Variants in USP36 observed in about 807,000 individuals in gnomAD.
USP36 encodes ubiquitin carboxyl-terminal hydrolase 36.
In USP36, 59 loss-of-function variants were observed where a neutral mutation model predicts 111.5. The observed-to-expected ratio is 0.53, with a 90% CI of 0.43 to 0.66. The LOEUF (loss-of-function observed/expected upper bound fraction) is 0.66, where lower values mean the gene tolerates loss of function less well. USP36 is among the 30% of genes least tolerant of loss of function. The pLI, the probability that USP36 is intolerant of heterozygous loss-of-function variation, is 0.00. For missense variants in USP36, 1,488 were observed against 1,468.0 expected, an observed-to-expected ratio of 1.01 and a Z score of -0.22; for synonymous variants, 628 against 581.0, an observed-to-expected ratio of 1.08 and a Z score of -1.16.
In USP36 at chr17:78,836,998, C is replaced by T. The variant is rs184711974; in HGVS notation, c.-9-626G>A. Among the ~76,000 whole-genome samples, 178 of 152,148 alleles carry T rather than the reference C, an allele frequency of 1.2e-3. 1 individual carries two copies. The highest frequency in any genetic ancestry group is 4.2e-3 in the African/African-American group (173 of 41,488). On this transcript the variant is annotated intron_variant, in intron 2 of 20. Transcript: ENST00000449938. ...GGTGCTATAAGTGTAAAATGCACAC[C>T]AGATTTTGAAGAGAAATACTCACTA...
Position 78,804,944 on chromosome 17 carries a change from A to C in USP36, c.2217-966T>G, listed in dbSNP as rs74763131. Among the ~76,000 whole-genome samples, 904 of 152,280 alleles carry C rather than the reference A, an allele frequency of 5.9e-3. 42 individuals are homozygous for C. The East Asian group carries it at 0.12, about 19-fold the overall frequency. On this transcript the variant is annotated intron_variant, in intron 15 of 20. Coordinates refer to ENST00000449938, the MANE Select transcript of USP36 (RefSeq NM_001385174.1). Reference sequence around the variant, plus strand: ...AGCCTCATAAGGAAAGCAAGTGTTGAGCTGGCCTAATGACACCTCCACATT... The same window carrying C: ...AGCCTCATAAGGAAAGCAAGTGTTGCGCTGGCCTAATGACACCTCCACATT...
chr17:78,812,817 C>A, intron 13 of USP36, 43 bp downstream of exon 13: 1 of 1,608,246 alleles, frequency 6.2e-7, no homozygotes, highest in Admixed American at 1.7e-5. Flanking sequence ...CTGTGAGGAG[C>A]ACCAAGACCA....
intron 17 of USP36, 36 bp from the exon 18 acceptor site, chr17:78,799,804 T>A: frequency 1.3e-6 from 2 of 1,530,262 alleles, no homozygotes; most frequent in South Asian, 1.2e-5. Flanking sequence ...TTTACAGACG[T>A]TTAAAATAAC....
chr17:78,789,549 G>C (rs890751771), intron 3 of USP36, among the ~76,000 whole-genome samples: 1 of 152,222 alleles, frequency 6.6e-6, no homozygotes, highest in African/African-American at 2.4e-5. Context: ...CCCCGCAAGA[G>C]GCTGCAAAGC....
At chr17:78,814,590 C>A in intron 10 of USP36, 38 bp from the exon 11 acceptor site, 1 of 1,600,906 alleles carries the variant, frequency 6.2e-7, no homozygotes. Flanking sequence ...ATAAAATTCA[C>A]TTTGAGAGTA....
At position 78,829,075 on chromosome 17, in the gene USP36, C is replaced by A. The variant is rs1288661732; in HGVS notation, c.476-68G>T. On this transcript the variant is annotated intron_variant, in intron 4 of 20. Coordinates refer to ENST00000449938, the MANE Select transcript of USP36 (RefSeq NM_001385174.1). Reference sequence around the variant, plus strand: ...CAAAGAACTCACGGTGAGGCCCCCACCCCAAACGTTAACACAGCCAGAAAC... The same window carrying A: ...CAAAGAACTCACGGTGAGGCCCCCAACCCAAACGTTAACACAGCCAGAAAC... The A allele has an allele frequency of 6.5e-6, 9 of 1,374,712 alleles. No individual in the cohort carries two copies. In the East Asian group the frequency reaches 9.5e-5, roughly 14 times the overall value. The allele number at this position is 1,374,712 out of a possible 1,614,324, so 85.2% of individuals were successfully genotyped here. A position where few individuals can be genotyped will look rare whatever the true frequency, so the allele number is the denominator to read the frequency against.
At chr17:78,809,173 T>C (rs1046244864) in intron 13 of USP36, among the ~76,000 whole-genome samples, 3 of 152,242 alleles carry the variant, frequency 2.0e-5, no homozygotes, top group Non-Finnish European at 2.9e-5. Flanking sequence ...CAAGGTTTTA[T>C]TGCTTCATTT....
chr17:78,827,689 G>C (rs762018389), intron 5 of USP36, among the ~76,000 whole-genome samples: 1 of 151,966 alleles, frequency 6.6e-6, no homozygotes, highest in Admixed American at 6.5e-5. Context: ...GATCACTTGA[G>C]CCCAGGAGTT....
chr17:78,810,088 C>T (rs1429630395), intron 13 of USP36, among the ~76,000 whole-genome samples: 1 of 152,118 alleles, frequency 6.6e-6, no homozygotes, highest in Non-Finnish European at 1.5e-5. Context: ...TCAAATGGTC[C>T]ACCCACCTCA....
At chr17:78,806,874 A>G in intron 14 of USP36, 85 bp downstream of exon 14, 1 of 1,527,902 alleles carries the variant, frequency 6.5e-7, no homozygotes, top group South Asian at 1.3e-5. Flanking sequence ...CCCCCGGACA[A>G]TGTTCTCACT....
At position 78,803,425 on chromosome 17, in the gene USP36, C is replaced by G; in HGVS notation, c.2770G>C (p.Gly924Arg). Residue 924 changes from glycine (G) to arginine (R), a missense_variant, in exon 16 of 21, where the codon GGT becomes CGT. Gly to Arg is a moderately radical substitution (Grantham distance 125, BLOSUM62 -2). Around this residue, in one of 3 missense-constraint regions of USP36, gnomAD observed 1,073 missense variants for 994.1 expected, o/e 1.08. Coordinates refer to ENST00000449938, the MANE Select transcript of USP36 (RefSeq NM_001385174.1). This position sits in a 1 kb window ranked among gnomAD's most constrained non-coding sequence, Gnocchi z 4.6. Reference protein sequence around the residue: ...KRRRKGAEGLGEEGGLHQDPL... With the variant: ...KRRRKGAEGLREEGGLHQDPL... ...TCCTGGTGCAGGCCGCCTTCTTCAC[C>G]AAGACCTTCTGCTCCTTTCCTCCTC... is the stretch of plus-strand genomic sequence containing the variant. 1 of 1,614,110 alleles carries G rather than the reference C, an allele frequency of 6.2e-7. No homozygotes were observed. Among genetic ancestry groups the G allele is most frequent in the Non-Finnish European group, 8.5e-7 (1 of 1,180,022 alleles).
intron 6 of USP36, 32 bp from the exon 7 acceptor site, chr17:78,822,036 G>A (rs1314024320): frequency 1.2e-6 from 2 of 1,613,450 alleles, no homozygotes; most frequent in East Asian, 2.2e-5. Context: ...TTAAGGGAAG[G>A]GCTCAGCAAG....
At chr17:78,807,974 G>A (rs2093953771) in intron 13 of USP36, among the ~76,000 whole-genome samples, 2 of 152,146 alleles carry the variant, frequency 1.3e-5, no homozygotes, top group South Asian at 4.1e-4. Context: ...GAAGTGTTGG[G>A]ATTACAGGTG....
chr17:78,795,055 C>T (rs2093611577), downstream of USP36, among the ~76,000 whole-genome samples: 3 of 151,424 alleles, frequency 2.0e-5, no homozygotes, highest in South Asian at 4.2e-4. The surrounding 1 kb of genome is among the most constrained non-coding windows in gnomAD (Gnocchi z 4.5). Flanking sequence ...TCGCCCATGT[C>T]GCCACTGCAC....
In USP36 at chr17:78,840,773, C is replaced by G. The variant is rs2069225169; in HGVS notation, c.-211G>C. On this transcript the variant is annotated 5_prime_UTR_variant, in exon 1 of 21. Transcript: ENST00000449938. ...GCGGGCGCGCCACAAGCCTACGCAG[C>G]CCTGGCGACTCCTTCGGCCCGCGGC... The G allele has an allele frequency of 6.6e-6, 1 of 152,428 alleles. No homozygotes were observed. The highest frequency in any genetic ancestry group is 2.4e-5 in the African/African-American group (1 of 41,438). 9.4% of individuals were successfully genotyped at this position (152,428 alleles called of 1,614,324 possible). A position where few individuals can be genotyped will look rare whatever the true frequency, so the allele number is the denominator to read the frequency against.
downstream of USP36, among the ~76,000 whole-genome samples, chr17:78,794,400 C>T (rs906213042): frequency 2.0e-5 from 3 of 152,200 alleles, no homozygotes; most frequent in Non-Finnish European, 2.9e-5. Context: ...TGCTGGCCAG[C>T]TCCCACTGCC....
chr17:78,828,776 G>A lies in USP36; in HGVS notation c.586+121C>T, dbSNP rs551265125. On this transcript the variant is annotated intron_variant, in intron 5 of 20. Coordinates refer to ENST00000449938, the MANE Select transcript of USP36 (RefSeq NM_001385174.1). The stretch of plus-strand genomic sequence containing the variant: ...TCCCAACACTTTGGCAGGCCAAAAC[G>A]GAAGGACTGCTTAAGGCCAGGAATT... 4.7e-5 allele frequency: 45 copies of A among 962,716 alleles called. No individual in the cohort carries two copies. In the Admixed American group the frequency reaches 5.2e-4, roughly 11 times the overall value. The allele number at this position is 962,716 out of a possible 1,614,324, so 59.6% of individuals were successfully genotyped here. A position where few individuals can be genotyped will look rare whatever the true frequency, so the allele number is the denominator to read the frequency against.
intron 13 of USP36, among the ~76,000 whole-genome samples, chr17:78,809,516 A>C (rs1007220396): frequency 1.3e-5 from 2 of 152,060 alleles, no homozygotes; most frequent in Non-Finnish European, 2.9e-5. Flanking sequence ...GAAAATGCTC[A>C]TGGTCAGTGA....
In USP36 at chr17:78,799,034, G is replaced by C. The variant is rs745517175; in HGVS notation, c.3125-11C>G. The C allele has an allele frequency of 6.2e-7, 1 of 1,613,424 alleles. No individual in the cohort carries two copies. The highest frequency in any genetic ancestry group is 8.5e-7 in the Non-Finnish European group (1 of 1,179,864). ...CATCCCAGGTCAGAACTACCAGGCA[G>C]ACACGGGGGTCAGCACGAGTGCAGG... On this transcript the variant is annotated splice_polypyrimidine_tract_variant and intron_variant, in intron 18 of 20. Coordinates refer to ENST00000449938, the MANE Select transcript of USP36 (RefSeq NM_001385174.1).
Sources: gnomAD v4.1 joint callset for allele counts (sites outside exome capture counted in the v4.1 genomes callset) on GRCh38, gnomAD v4.1.1 for gene constraint, gnomAD v4.1.1 regional missense constraint, Gnocchi (gnomAD v3.1) non-coding constraint, MANE v1.5 for transcripts, NCBI Gene and HGNC (gene_info 2026-07-23, HGNC 2026-07-21) for gene names.